Variants in LIN28B observed in about 807,000 individuals in gnomAD.
The protein encoded by LIN28B is lin-28 RNA binding posttranscriptional regulator B.
Under a neutral mutation model 21.9 loss-of-function variants are expected in LIN28B, and 5 were observed. That is an observed-to-expected ratio of 0.23 (90% CI 0.12 to 0.48). The LOEUF is 0.48. LIN28B is among the 20% of genes least tolerant of loss of function. LIN28B has a pLI of 0.98. For synonymous variants in LIN28B, 109 were observed against 111.3 expected (o/e 0.98, Z 0.13); for missense variants, 245 against 310.5 (o/e 0.79, Z 1.58).
rs189070658 is a variant in LIN28B at position 105,002,103 on chromosome 6, C to T, written c.199-24195C>T. Among the ~76,000 whole-genome samples the T allele has an allele frequency of 6.7e-3, 1,012 of 151,520 alleles. 5 individuals carry two copies. Among genetic ancestry groups the T allele is most frequent in the Non-Finnish European group, 0.01 (691 of 67,952 alleles). On this transcript the variant is annotated intron_variant, in intron 2 of 3. Coordinates refer to ENST00000345080, the MANE Select transcript of LIN28B (RefSeq NM_001004317.4). ...GTTTTTTATGCCTGGAAAGATCCCC[C>T]GGGGCTTCCTGACCCTTCTGTGATC...
intron 3 of LIN28B, among the ~76,000 whole-genome samples, chr6:105,041,963 A>G (rs540727135): frequency 3.3e-5 from 5 of 152,318 alleles, no homozygotes; most frequent in African/African-American, 1.2e-4. Flanking sequence ...TAGTTCAGAT[A>G]CATCTGGATT....
Position 104,957,214 on chromosome 6 carries a change from A to G in LIN28B, c.-37A>G. 1 of 1,614,022 alleles carries G rather than the reference A, an allele frequency of 6.2e-7. No homozygotes were observed. The highest frequency in any genetic ancestry group is 1.1e-5 in the South Asian group (1 of 91,080). ...ACTCCGTTCCAAAGGGAAAGTTTTC[A>G]TCTCACGAGTTTGGAGCTGAGGGCC... On this transcript the variant is annotated 5_prime_UTR_variant, in exon 1 of 4. Transcript: ENST00000345080.
intron 2 of LIN28B, among the ~76,000 whole-genome samples, chr6:104,999,478 G>C (rs909684494): frequency 6.6e-6 from 1 of 152,062 alleles, no homozygotes; most frequent in African/African-American, 2.4e-5. Context: ...AGGTTGCAGA[G>C]AAATAATTTG....
chr6:105,058,977 C>T (rs890091415), intron 3 of LIN28B, among the ~76,000 whole-genome samples: 1 of 152,114 alleles, frequency 6.6e-6, no homozygotes, highest in African/African-American at 2.4e-5. Flanking sequence ...AATGAGTCCC[C>T]TAGGAAGATC....
chr6:104,947,647 AT>A (rs1423184306), intron 2 of LIN28B, among the ~76,000 whole-genome samples: 1 of 151,850 alleles, frequency 6.6e-6, no homozygotes, highest in Admixed American at 6.6e-5. Flanking sequence ...AATTAAAATA[AT>A]TGGAATTATT....
intron 2 of LIN28B, among the ~76,000 whole-genome samples, chr6:104,960,840 G>A (rs1376505275): frequency 2.0e-5 from 3 of 152,026 alleles, no homozygotes; most frequent in Non-Finnish European, 4.4e-5. Flanking sequence ...CTGTGTATTT[G>A]TAGTTATGTA....
chr6:105,063,640 G>C (rs576745414), intron 3 of LIN28B, among the ~76,000 whole-genome samples: 10 of 141,838 alleles, frequency 7.1e-5, no homozygotes, highest in Non-Finnish European at 1.1e-4. Context: ...CATCTCGGGG[G>C]GGGGGGGGAA....
intron 3 of LIN28B, among the ~76,000 whole-genome samples, chr6:105,031,931 T>C (rs1210372026): frequency 6.6e-6 from 1 of 152,180 alleles, no homozygotes; most frequent in African/African-American, 2.4e-5. Flanking sequence ...TCTATAATGG[T>C]TACCCCTTCC....
At chr6:104,959,514 G>C (rs1769680101) in intron 2 of LIN28B, among the ~76,000 whole-genome samples, 1 of 152,158 alleles carries the variant, frequency 6.6e-6, no homozygotes, top group African/African-American at 2.4e-5. Context: ...GTCCTGTGGT[G>C]CTTGGTAGCT....
At chr6:105,011,270 G>T (rs573853542) in intron 2 of LIN28B, among the ~76,000 whole-genome samples, 4 of 152,230 alleles carry the variant, frequency 2.6e-5, no homozygotes, top group African/African-American at 9.6e-5. Flanking sequence ...GCTCACTGCA[G>T]CCTCTGTCTC....
At chr6:104,963,800 A>G (rs78548370) in intron 2 of LIN28B, among the ~76,000 whole-genome samples, 2,942 of 152,280 alleles carry the variant, frequency 0.019, 96 homozygotes, top group African/African-American at 0.068. Flanking sequence ...TGTTCTCGCT[A>G]ATTTTCAATT....
At chr6:105,053,134 TA>T (rs779948079) in intron 3 of LIN28B, among the ~76,000 whole-genome samples, 7 of 152,206 alleles carry the variant, frequency 4.6e-5, no homozygotes, top group Non-Finnish European at 8.8e-5. Flanking sequence ...ATTGTATTAT[TA>T]ATATTTTGGA....
At chr6:104,962,857 A>G (rs1401744259) in intron 2 of LIN28B, among the ~76,000 whole-genome samples, 1 of 152,148 alleles carries the variant, frequency 6.6e-6, no homozygotes, top group South Asian at 2.1e-4. Context: ...AAAAAATTAG[A>G]CATCTTGGAA....
At chr6:104,937,805 C>T (rs1277328199) in intron 2 of LIN28B, among the ~76,000 whole-genome samples, 1 of 151,862 alleles carries the variant, frequency 6.6e-6, no homozygotes. Flanking sequence ...CATTCAGATG[C>T]ATTCATTAAA....
chr6:104,981,257 C>T (rs1429828426), intron 2 of LIN28B, among the ~76,000 whole-genome samples: 1 of 152,118 alleles, frequency 6.6e-6, no homozygotes, highest in East Asian at 1.9e-4. Context: ...CTCACTCTTT[C>T]TGGTGTTAAA....
intron 2 of LIN28B, among the ~76,000 whole-genome samples, chr6:105,007,875 C>T (rs1770848229): frequency 6.6e-6 from 1 of 152,148 alleles, no homozygotes; most frequent in South Asian, 2.1e-4. Flanking sequence ...AACTCCTGGC[C>T]TCAGGCAATC....
At position 105,080,598 on chromosome 6, in the gene LIN28B, A is replaced by T. The variant is rs1772526797; in HGVS notation, c.*1815A>T. ...TGAAATATCGGTGTGCTGTGATGCA[A>T]AGCTTACCTTTGACGATATTGAATG... On this transcript the variant is annotated 3_prime_UTR_variant, in exon 4 of 4. Coordinates refer to ENST00000345080, the MANE Select transcript of LIN28B (RefSeq NM_001004317.4). 1 of 152,608 alleles carries T rather than the reference A, an allele frequency of 6.6e-6. No individual in the cohort carries two copies. Among genetic ancestry groups the T allele is most frequent in the South Asian group, 2.1e-4 (1 of 4,824 alleles). The allele number at this position is 152,608 out of a possible 1,614,324, so 9.5% of individuals were successfully genotyped here. A position where few individuals can be genotyped will look rare whatever the true frequency, so the allele number is the denominator to read the frequency against.
At chr6:105,007,620 G>C (rs748919351) in intron 2 of LIN28B, among the ~76,000 whole-genome samples, 2 of 150,724 alleles carry the variant, frequency 1.3e-5, no homozygotes, top group Non-Finnish European at 3.0e-5. Flanking sequence ...TAATTCCTGG[G>C]CTGAAGAGAT....
chr6:105,057,380 C>A (rs751092685), intron 3 of LIN28B, among the ~76,000 whole-genome samples: 1 of 152,200 alleles, frequency 6.6e-6, no homozygotes, highest in African/African-American at 2.4e-5. Context: ...CATCTGCCAT[C>A]TGACAGCATA....
Sources: allele counts gnomAD v4.1 joint callset (sites outside exome capture counted in the v4.1 genomes callset), GRCh38; gene constraint gnomAD v4.1.1; transcripts MANE v1.5; gene names NCBI Gene and HGNC (gene_info 2026-07-23, HGNC 2026-07-21).